ARHGEF7: variants seen among roughly 807,000 people sequenced by gnomAD.
ARHGEF7 encodes Rho guanine nucleotide exchange factor 7.
Under a neutral mutation model 109.8 loss-of-function variants are expected in ARHGEF7, and 33 were observed. That is an observed-to-expected ratio of 0.30 (90% CI 0.23 to 0.40). The LOEUF (loss-of-function observed/expected upper bound fraction) is 0.40, where lower values mean the gene tolerates loss of function less well. ARHGEF7 is among the 10% of genes least tolerant of loss of function. ARHGEF7 has a pLI of 1.00. For synonymous variants in ARHGEF7, 458 were observed against 424.6 expected (o/e 1.08, Z -0.97); for missense variants, 938 against 1,098.5 (o/e 0.85, Z 2.07).
intron 2 of ARHGEF7, among the ~76,000 whole-genome samples, chr13:111,195,093 A>G (rs1293303403): frequency 6.6e-6 from 1 of 152,196 alleles, no homozygotes; most frequent in Non-Finnish European, 1.5e-5. Flanking sequence ...TCAAATGTTT[A>G]ACAATATCCT....
chr13:111,268,213 T>A (rs1210001177), intron 9 of ARHGEF7, among the ~76,000 whole-genome samples: 1 of 152,224 alleles, frequency 6.6e-6, no homozygotes, highest in Non-Finnish European at 1.5e-5. Flanking sequence ...CTCAGCTGTT[T>A]CAGTTACTGA....
chr13:111,153,783 C>T (rs1595094125), intron 1 of ARHGEF7, 122 bp from the exon 2 acceptor site: 7 of 1,383,242 alleles, frequency 5.1e-6, no homozygotes, highest in Middle Eastern at 5.1e-4. Context: ...TCCAGGCCGT[C>T]GGGGGCCGCT....
chr13:111,272,118 C>T lies in ARHGEF7; in HGVS notation c.1074-1696C>T, dbSNP rs532539764. Among the ~76,000 whole-genome samples, 5 of 152,286 alleles carry T rather than the reference C, an allele frequency of 3.3e-5. No individual in the cohort carries two copies. The highest frequency in any genetic ancestry group is 1.2e-4 in the African/African-American group (5 of 41,546). On this transcript the variant is annotated intron_variant, in intron 9 of 21. Transcript: ENST00000646102. The surrounding 1 kb of genome is among the most constrained non-coding windows in gnomAD (Gnocchi z 5.2). Reference sequence around the variant, plus strand: ...TTGGTTTTCAGCATGGTGTTTGAATCGGTTTCATTGGAGGACATTCTCCCT... The same window carrying T: ...TTGGTTTTCAGCATGGTGTTTGAATTGGTTTCATTGGAGGACATTCTCCCT...
intron 1 of ARHGEF7, among the ~76,000 whole-genome samples, chr13:111,128,450 G>A (rs2153337969): frequency 6.6e-6 from 1 of 152,184 alleles, no homozygotes; most frequent in South Asian, 2.1e-4. Context: ...CCAAGATTGT[G>A]CCACTGCACT....
At chr13:111,275,081 A>G (rs2092401715) in intron 11 of ARHGEF7, among the ~76,000 whole-genome samples, 1 of 152,248 alleles carries the variant, frequency 6.6e-6, no homozygotes, top group South Asian at 2.1e-4. Context: ...TGCAAAACAG[A>G]ACAATGGTGG....
At chr13:111,121,657 A>G (rs2067209715) in intron 1 of ARHGEF7, among the ~76,000 whole-genome samples, 1 of 152,198 alleles carries the variant, frequency 6.6e-6, no homozygotes, top group Non-Finnish European at 1.5e-5. Flanking sequence ...ACGCAACTCT[A>G]CCACGTGCAT....
In ARHGEF7 at chr13:111,192,736, C is replaced by T. The variant is rs552357672; in HGVS notation, c.253-12553C>T. ...GCCCTGGAAGGGTACCGAGTTACCA[C>T]GGCTTTAAAAGCTGGACCATTGTCG... On this transcript the variant is annotated intron_variant, in intron 2 of 21. Coordinates refer to ENST00000646102, the MANE Select transcript of ARHGEF7 (RefSeq NM_001354046.2). 1.5e-3 allele frequency among the ~76,000 whole-genome samples: 234 copies of T among 152,250 alleles called. 1 individual carries two copies. The highest frequency in any genetic ancestry group is 6.7e-3 in the Admixed American group (103 of 15,292).
In ARHGEF7 at chr13:111,294,233, G is replaced by T. The variant is rs878884622; in HGVS notation, c.2311+1939G>T. ...ATAAGTGGATTTAGAAGCGATTTTG[G>T]TTTTGTATTACATACGGTAGTCCTC... On this transcript the variant is annotated intron_variant, in intron 19 of 21. Coordinates refer to ENST00000646102, the MANE Select transcript of ARHGEF7 (RefSeq NM_001354046.2). 3.0e-5 allele frequency: 30 copies of T among 985,274 alleles called. No homozygotes were observed. In the South Asian group the frequency reaches 9.9e-4, roughly 32 times the overall value. 61.0% of individuals were successfully genotyped at this position (985,274 alleles called of 1,614,324 possible).
Position 111,123,309 on chromosome 13 carries a change from G to A in ARHGEF7, c.165+7618G>A, listed in dbSNP as rs1172499832. The stretch of plus-strand genomic sequence containing the variant: ...CATGGAGGAGAACTCAGTTGTCCCT[G>A]CTAGGCCATCCTGGACCTATCCACA... On this transcript the variant is annotated intron_variant, in intron 1 of 21. Coordinates refer to ENST00000646102, the MANE Select transcript of ARHGEF7 (RefSeq NM_001354046.2). Among the ~76,000 whole-genome samples, 3 of 152,286 alleles carry A rather than the reference G, an allele frequency of 2.0e-5. No homozygotes were observed. In the East Asian group the frequency reaches 5.8e-4, roughly 29 times the overall value.
At chr13:111,208,651 C>T (rs2082156181) in intron 3 of ARHGEF7, among the ~76,000 whole-genome samples, 1 of 152,050 alleles carries the variant, frequency 6.6e-6, no homozygotes, top group South Asian at 2.1e-4. Flanking sequence ...CTGGAAATGC[C>T]CTTTTAGCTG....
chr13:111,222,974 A>G (rs947064972), intron 5 of ARHGEF7, among the ~76,000 whole-genome samples: 27 of 152,248 alleles, frequency 1.8e-4, no homozygotes, highest in African/African-American at 6.0e-4. Flanking sequence ...AACTTTAGTT[A>G]TAGTATATTG....
At chr13:111,284,391 A>G (rs981595836) in intron 16 of ARHGEF7, among the ~76,000 whole-genome samples, 21 of 152,146 alleles carry the variant, frequency 1.4e-4, no homozygotes, top group African/African-American at 5.1e-4. Flanking sequence ...CTTTGTTTTT[A>G]TGATATCTTT....
intron 1 of ARHGEF7, chr13:111,143,438 C>T (rs1263276873): frequency 6.6e-6 from 1 of 152,210 alleles, no homozygotes; most frequent in Admixed American, 6.5e-5. Flanking sequence ...GAAGTGCACT[C>T]AGTGGGAGAG....
Position 111,153,952 on chromosome 13 carries a change from C to G in ARHGEF7, c.213C>G (p.Arg71=), listed in dbSNP as rs1418608302. 2 of 1,604,844 alleles carry G rather than the reference C, an allele frequency of 1.2e-6. No homozygotes were observed. Among genetic ancestry groups the G allele is most frequent in the South Asian group, 1.1e-5 (1 of 90,376 alleles). The change falls in exon 2 of 22, where the codon CGC becomes CGG. Residue 71 remains arginine, a synonymous_variant. Transcript: ENST00000646102. Reference sequence around the variant, plus strand: ...AGAGCGAGTGCCTGAGCAACATCCGCGAGTTCCTGCGCGGCTGCGGGGCTT... The same window carrying G: ...AGAGCGAGTGCCTGAGCAACATCCGGGAGTTCCTGCGCGGCTGCGGGGCTT... ...RSESECLSNI[R]EFLRGCGASL...
intron 2 of ARHGEF7, among the ~76,000 whole-genome samples, chr13:111,175,818 G>C (rs1228469252): frequency 6.6e-6 from 1 of 152,202 alleles, no homozygotes; most frequent in Non-Finnish European, 1.5e-5. Context: ...AAGGAGAAAG[G>C]TTTAATTTAC....
intron 17 of ARHGEF7, among the ~76,000 whole-genome samples, chr13:111,286,701 C>T (rs953261774): frequency 5.3e-5 from 8 of 152,212 alleles, no homozygotes; most frequent in Non-Finnish European, 1.0e-4. Context: ...CCTGTCTGCT[C>T]CTCAGGCCTA....
At chr13:111,282,203 C>G (rs2092811601) in intron 15 of ARHGEF7, among the ~76,000 whole-genome samples, 1 of 152,232 alleles carries the variant, frequency 6.6e-6, no homozygotes, top group African/African-American at 2.4e-5. Flanking sequence ...TGCCGTCCCT[C>G]TCAGCCTGTG....
Position 111,133,812 on chromosome 13 carries a change from T to TAAATAA in ARHGEF7, c.165+18122_165+18123insAATAAA, listed in dbSNP as rs774568302. ...ATATATATATATATATATATATATA[T>TAAATAA]ATTTATTATACTTTAAGTTCTAGGT... On this transcript the variant is annotated intron_variant, in intron 1 of 21. Transcript: ENST00000646102. 4.6e-3 allele frequency among the ~76,000 whole-genome samples: 290 copies of TAAATAA among 62,510 alleles called. 23 individuals carry two copies. Among genetic ancestry groups the TAAATAA allele is most frequent in the African/African-American group, 0.021 (256 of 12,396 alleles). The allele number at this position is 62,510 out of a possible 152,430, so 41.0% of individuals were successfully genotyped here. A position where few individuals can be genotyped will look rare whatever the true frequency, so the allele number is the denominator to read the frequency against.
At chr13:111,196,493 A>C (rs755621531) in intron 2 of ARHGEF7, among the ~76,000 whole-genome samples, 2 of 152,182 alleles carry the variant, frequency 1.3e-5, no homozygotes, top group Non-Finnish European at 2.9e-5. Flanking sequence ...TAGGAAATCT[A>C]TCAGGATCAT....
Sources: allele counts gnomAD v4.1 joint callset (sites outside exome capture counted in the v4.1 genomes callset), GRCh38; gene constraint gnomAD v4.1.1; non-coding constraint Gnocchi (gnomAD v3.1); transcripts MANE v1.5; gene names NCBI Gene and HGNC (gene_info 2026-07-23, HGNC 2026-07-21).